The following SGCZ variants were observed in gnomAD, a reference collection of about 807,000 sequenced individuals.
The protein encoded by SGCZ is zeta-sarcoglycan.
A neutral mutation model predicts 41.3 loss-of-function variants in SGCZ; 40 were observed. The observed-to-expected ratio is 0.97, with a 90% CI of 0.75 to 1.26. The LOEUF is 1.26. Ranked by LOEUF, SGCZ falls within the 50% of genes most tolerant of loss-of-function variation. The probability of loss-of-function intolerance (pLI) is 0.00; values close to 1 mark genes in which losing one functional copy is unlikely to be tolerated. For synonymous variants in SGCZ, 206 were observed against 137.5 expected (o/e 1.50, Z -3.49); for missense variants, 552 against 369.8 (o/e 1.49, Z -4.04).
At chr8:14,668,932 G>A (rs71514477) in intron 1 of SGCZ, among the ~76,000 whole-genome samples, 1 of 34,704 alleles carries the variant, frequency 2.9e-5, no homozygotes, top group African/African-American at 3.4e-4. Context: ...GTGTGTGTGT[G>A]TGTATGTGTG....
At chr8:14,258,260 G>C (rs948636392) in intron 3 of SGCZ, among the ~76,000 whole-genome samples, 1 of 145,470 alleles carries the variant, frequency 6.9e-6, no homozygotes, top group African/African-American at 2.5e-5. Context: ...CTGTCCTTGT[G>C]AGTTTCTCAG....
chr8:14,144,807 C>A (rs1406305294), intron 5 of SGCZ, among the ~76,000 whole-genome samples: 1 of 152,044 alleles, frequency 6.6e-6, no homozygotes, highest in African/African-American at 2.4e-5. Flanking sequence ...ATATAAGAGT[C>A]CTTGGGCCTT....
chr8:14,404,262 A>G (rs1799153233), intron 2 of SGCZ, among the ~76,000 whole-genome samples: 1 of 152,162 alleles, frequency 6.6e-6, no homozygotes, highest in African/African-American at 2.4e-5. Context: ...GTTCATTTTA[A>G]AACTGTGCTA....
chr8:14,394,662 T>C (rs2117227171), intron 2 of SGCZ, among the ~76,000 whole-genome samples: 1 of 152,082 alleles, frequency 6.6e-6, no homozygotes, highest in South Asian at 2.1e-4. Flanking sequence ...TGAAATGAAA[T>C]GACAAAGGCC....
chr8:14,211,863 G>A (rs528039570), intron 4 of SGCZ, among the ~76,000 whole-genome samples: 1 of 152,082 alleles, frequency 6.6e-6, no homozygotes, highest in Non-Finnish European at 1.5e-5. Context: ...GCAAGATCAA[G>A]AGGACAGATG....
chr8:14,956,724 T>G lies in SGCZ; in HGVS notation c.39+280861A>C, dbSNP rs1455600945. On this transcript the variant is annotated intron_variant, in intron 1 of 7. Coordinates refer to ENST00000382080, the MANE Select transcript of SGCZ (RefSeq NM_139167.4). ...ATCATACAACTAAATTCACATTTCC[T>G]TGATGGTCAGATTTGTTGTTTGTAA... 7.9e-5 allele frequency among the ~76,000 whole-genome samples: 12 copies of G among 152,336 alleles called. No individual in the cohort carries two copies. In the East Asian group the frequency reaches 1.9e-3, roughly 24 times the overall value.
chr8:14,263,335 G>C (rs575025210), intron 3 of SGCZ, among the ~76,000 whole-genome samples: 2 of 152,026 alleles, frequency 1.3e-5, no homozygotes, highest in African/African-American at 2.4e-5. Flanking sequence ...GATCACTTGA[G>C]GCCAGGAGTT....
intron 1 of SGCZ, among the ~76,000 whole-genome samples, chr8:14,731,126 G>A (rs1003837923): frequency 6.6e-6 from 1 of 151,728 alleles, no homozygotes; most frequent in South Asian, 2.1e-4. Flanking sequence ...CAAAAACATG[G>A]AACTAACCCA....
At chr8:14,108,504 A>G (rs1240294793) in intron 5 of SGCZ, among the ~76,000 whole-genome samples, 1 of 152,150 alleles carries the variant, frequency 6.6e-6, no homozygotes, top group Non-Finnish European at 1.5e-5. Context: ...CGGTGGCAAG[A>G]GAAAAATGAG....
At chr8:14,342,415 C>G (rs1802742363) in intron 2 of SGCZ, among the ~76,000 whole-genome samples, 1 of 152,128 alleles carries the variant, frequency 6.6e-6, no homozygotes, top group Admixed American at 6.5e-5. Context: ...CTCCCGGGTT[C>G]ATGCCATTCT....
intron 4 of SGCZ, among the ~76,000 whole-genome samples, chr8:14,180,261 T>C (rs886995564): frequency 1.3e-5 from 2 of 152,108 alleles, no homozygotes; most frequent in African/African-American, 4.8e-5. Flanking sequence ...GGTGGCATAA[T>C]TACACACCCT....
In SGCZ at chr8:14,165,801, C is replaced by T. The variant is rs186607591; in HGVS notation, c.425-1099G>A. Among the ~76,000 whole-genome samples the T allele has an allele frequency of 2.8e-3, 419 of 152,156 alleles. 1 individual carries two copies. The highest frequency in any genetic ancestry group is 4.8e-3 in the Non-Finnish European group (327 of 68,004). ...CAAAGCAGGACATCATCTTTGTATT[C>T]CAAAACATCCTTAAATTGGGAGATG... On this transcript the variant is annotated intron_variant, in intron 4 of 7. Coordinates refer to ENST00000382080, the MANE Select transcript of SGCZ (RefSeq NM_139167.4).
intron 1 of SGCZ, among the ~76,000 whole-genome samples, chr8:15,178,034 T>G (rs1800052383): frequency 6.6e-6 from 1 of 152,184 alleles, no homozygotes; most frequent in Non-Finnish European, 1.5e-5. Context: ...GCTTGGGGCC[T>G]AGCCTTGCAA....
At chr8:14,560,152 G>T (rs1028806023) in intron 1 of SGCZ, among the ~76,000 whole-genome samples, 3 of 151,964 alleles carry the variant, frequency 2.0e-5, no homozygotes, top group Non-Finnish European at 4.4e-5. Flanking sequence ...GAACAGTAGG[G>T]AAATTATAGT....
At position 15,237,914 on chromosome 8, in the gene SGCZ, A is replaced by G. The variant is rs577453315; in HGVS notation, c.-291T>C. On this transcript the variant is annotated 5_prime_UTR_variant, in exon 1 of 8. Coordinates refer to ENST00000382080, the MANE Select transcript of SGCZ (RefSeq NM_139167.4). ...GAAACAGGGGCCAAAAGAAAAAAGG[A>G]AAAAAAAATCCACTCTATTTAAGAT... The G allele has an allele frequency of 1.8e-4, 60 of 328,246 alleles. 1 individual carries two copies. The South Asian group carries it at 4.5e-3, about 25-fold the overall frequency. 20.3% of individuals were successfully genotyped at this position (328,246 alleles called of 1,614,324 possible).
chr8:14,734,491 G>T lies in SGCZ; in HGVS notation c.40-179565C>A, dbSNP rs914334869. 2.0e-5 allele frequency among the ~76,000 whole-genome samples: 3 copies of T among 152,086 alleles called. No homozygotes were observed. In the South Asian group the frequency reaches 6.2e-4, roughly 32 times the overall value. ...TATACCTTCAAAGAAGCACCGTAAAGGTTTAGCAACCCAAGGAACTTAGTA... is the reference window on the plus strand; with the variant it reads ...TATACCTTCAAAGAAGCACCGTAAATGTTTAGCAACCCAAGGAACTTAGTA... On this transcript the variant is annotated intron_variant, in intron 1 of 7. Coordinates refer to ENST00000382080, the MANE Select transcript of SGCZ (RefSeq NM_139167.4).
At chr8:14,336,706 G>C (rs1300971611) in intron 2 of SGCZ, among the ~76,000 whole-genome samples, 2 of 152,042 alleles carry the variant, frequency 1.3e-5, no homozygotes, top group Non-Finnish European at 2.9e-5. Context: ...TTTTGAATTT[G>C]AGACAAAGGG....
intron 1 of SGCZ, among the ~76,000 whole-genome samples, chr8:14,874,424 T>C (rs1217642482): frequency 1.3e-5 from 2 of 152,134 alleles, no homozygotes; most frequent in African/African-American, 4.8e-5. Context: ...TTTAACTTTA[T>C]CAAGAAAATA....
rs1196487328 is a variant in SGCZ at position 15,183,061 on chromosome 8, A to G, written c.39+54524T>C. Among the ~76,000 whole-genome samples the G allele has an allele frequency of 2.0e-5, 3 of 152,308 alleles. No individual in the cohort carries two copies. In the East Asian group the frequency reaches 5.8e-4, roughly 29 times the overall value. On this transcript the variant is annotated intron_variant, in intron 1 of 7. Coordinates refer to ENST00000382080, the MANE Select transcript of SGCZ (RefSeq NM_139167.4). Reference sequence around the variant, plus strand: ...CATCTTGTCCCACTGGAAACCCTTCAGGGGCAGTAACAGGCATGGAGCTGT... The same window carrying G: ...CATCTTGTCCCACTGGAAACCCTTCGGGGGCAGTAACAGGCATGGAGCTGT...
Sources: allele counts gnomAD v4.1 joint callset (sites outside exome capture counted in the v4.1 genomes callset), GRCh38; gene constraint gnomAD v4.1.1; transcripts MANE v1.5; gene names NCBI Gene and HGNC (gene_info 2026-07-23, HGNC 2026-07-21).